PHACTR3: variants seen among roughly 807,000 people sequenced by gnomAD.
PHACTR3 encodes the protein protein phosphatase 1, regulatory subunit 123.
A neutral mutation model predicts 66.8 loss-of-function variants in PHACTR3; 16 were observed. That is an observed-to-expected ratio of 0.24 (90% CI 0.16 to 0.36). The LOEUF (loss-of-function observed/expected upper bound fraction) is 0.36, where lower values mean the gene tolerates loss of function less well. Ranked by LOEUF, PHACTR3 falls within the 10% of genes least tolerant of loss-of-function variation. The pLI is 1.00. For synonymous variants in PHACTR3, 323 were observed against 292.1 expected, an observed-to-expected ratio of 1.11 and a Z score of -1.08; for missense variants, 647 against 719.9, an observed-to-expected ratio of 0.90 and a Z score of 1.16.
intron 1 of PHACTR3, among the ~76,000 whole-genome samples, chr20:59,685,101 T>C (rs1306903662): frequency 2.0e-5 from 3 of 152,074 alleles, no homozygotes; most frequent in Non-Finnish European, 2.9e-5. Context: ...CACCTCCACC[T>C]CTTTCCCCAC....
intron 1 of PHACTR3, among the ~76,000 whole-genome samples, chr20:59,633,010 T>C (rs1301521738): frequency 6.6e-6 from 1 of 152,116 alleles, no homozygotes; most frequent in Non-Finnish European, 1.5e-5. Flanking sequence ...ACCTTGATCC[T>C]GGGGTGCACG....
At chr20:59,635,529 C>T (rs1037806352) in intron 1 of PHACTR3, among the ~76,000 whole-genome samples, 2 of 151,776 alleles carry the variant, frequency 1.3e-5, no homozygotes, top group Non-Finnish European at 2.9e-5. Flanking sequence ...CCATCGTGCC[C>T]GGCCTGCTCC....
chr20:59,757,226 G>A (rs906672686), intron 4 of PHACTR3, among the ~76,000 whole-genome samples: 5 of 152,348 alleles, frequency 3.3e-5, no homozygotes, highest in Admixed American at 6.5e-5. Context: ...TGGGGGTCAC[G>A]CTTCTCCTTG....
intron 1 of PHACTR3, among the ~76,000 whole-genome samples, chr20:59,606,309 C>G (rs888132442): frequency 2.0e-5 from 3 of 151,982 alleles, no homozygotes; most frequent in African/African-American, 4.8e-5. Context: ...TCCCTCCCCC[C>G]CCCATTTGAA....
intron 7 of PHACTR3, among the ~76,000 whole-genome samples, chr20:59,797,424 A>G (rs527242027): frequency 1.3e-4 from 20 of 151,850 alleles, no homozygotes; most frequent in Non-Finnish European, 2.8e-4. Context: ...GTGTCCATGC[A>G]TTGGTATCTG....
At chr20:59,617,626 C>A (rs575601219) in intron 1 of PHACTR3, among the ~76,000 whole-genome samples, 2 of 151,762 alleles carry the variant, frequency 1.3e-5, no homozygotes, top group Non-Finnish European at 2.9e-5. Flanking sequence ...GGAAGTTGTT[C>A]ACTTTAGCAC....
chr20:59,836,861 CG>C (rs1485661623), intron 9 of PHACTR3, among the ~76,000 whole-genome samples: 2 of 152,106 alleles, frequency 1.3e-5, no homozygotes, highest in African/African-American at 4.8e-5. Context: ...CAGTTTGGGT[CG>C]GGGTTCTTCA....
intron 8 of PHACTR3, among the ~76,000 whole-genome samples, chr20:59,810,255 C>T (rs1014610304): frequency 6.6e-6 from 1 of 152,220 alleles, no homozygotes; most frequent in African/African-American, 2.4e-5. Flanking sequence ...AAACGCCCCC[C>T]TATGTAAGAA....
At position 59,604,765 on chromosome 20, in the gene PHACTR3, C is replaced by G; in HGVS notation, c.-250C>G. ...AATGGGAATAAACACGAATAAATAACAAAGCGAGGCCGCGCACGCCGGGAT... is the reference window on the plus strand; with the variant it reads ...AATGGGAATAAACACGAATAAATAAGAAAGCGAGGCCGCGCACGCCGGGAT... On this transcript the variant is annotated 5_prime_UTR_variant, in exon 1 of 13. Transcript: ENST00000371015. 1 of 1,160,836 alleles carries G rather than the reference C, an allele frequency of 8.6e-7. No individual in the cohort carries two copies. The highest frequency in any genetic ancestry group is 1.1e-6 in the Non-Finnish European group (1 of 945,872). 71.9% of individuals were successfully genotyped at this position (1,160,836 alleles called of 1,614,324 possible). A position where few individuals can be genotyped will look rare whatever the true frequency, so the allele number is the denominator to read the frequency against.
chr20:59,593,062 A>G (rs749546169), intron 1 of PHACTR3, among the ~76,000 whole-genome samples: 3 of 152,224 alleles, frequency 2.0e-5, no homozygotes, highest in Admixed American at 1.3e-4. Flanking sequence ...TAGTTTTGTA[A>G]GAAACCACAA....
At chr20:59,590,877 C>T (rs992256371) in intron 1 of PHACTR3, among the ~76,000 whole-genome samples, 1 of 152,132 alleles carries the variant, frequency 6.6e-6, no homozygotes, top group Non-Finnish European at 1.5e-5. Context: ...TTATAAGGCA[C>T]TTATCATTGA....
At chr20:59,616,842 T>C (rs2034041737) in intron 1 of PHACTR3, among the ~76,000 whole-genome samples, 1 of 152,110 alleles carries the variant, frequency 6.6e-6, no homozygotes, top group African/African-American at 2.4e-5. Context: ...ATTTATAATT[T>C]AGCTCATTTT....
chr20:59,609,238 C>A (rs2033774466), intron 1 of PHACTR3, among the ~76,000 whole-genome samples: 1 of 152,228 alleles, frequency 6.6e-6, no homozygotes, highest in Non-Finnish European at 1.5e-5. Context: ...TGCACAGACA[C>A]ATTCCCCAGG....
chr20:59,836,855 T>G (rs2058977063), intron 9 of PHACTR3, among the ~76,000 whole-genome samples: 1 of 152,166 alleles, frequency 6.6e-6, no homozygotes, highest in Non-Finnish European at 1.5e-5. Flanking sequence ...TCCTGGCAGT[T>G]TGGGTCGGGG....
At chr20:59,741,325 C>T (rs1328120276) in intron 1 of PHACTR3, among the ~76,000 whole-genome samples, 1 of 152,240 alleles carries the variant, frequency 6.6e-6, no homozygotes, top group South Asian at 2.1e-4. Context: ...GGCGAGGGGT[C>T]CTGGCAGAGG....
At chr20:59,636,802 A>G (rs2034915700) in intron 1 of PHACTR3, among the ~76,000 whole-genome samples, 1 of 152,262 alleles carries the variant, frequency 6.6e-6, no homozygotes, top group South Asian at 2.1e-4. Flanking sequence ...TGAAAAATAC[A>G]GAGCAAAGAT....
intron 7 of PHACTR3, 144 bp downstream of exon 7, chr20:59,774,634 C>A: frequency 8.5e-7 from 1 of 1,170,850 alleles, no homozygotes; most frequent in Non-Finnish European, 1.2e-6. Context: ...GCTGTGTCCT[C>A]TGGAAATGAG....
rs2059169234 is a variant in PHACTR3 at position 59,847,341 on chromosome 20, G to A, written c.*211G>A. On this transcript the variant is annotated 3_prime_UTR_variant, in exon 13 of 13. Transcript: ENST00000371015. ...CTTCCTTCCTTCTTTGGTGTCTGAG[G>A]AGTGTGAACTGTTGGGGTCAGTTAA... 3 of 440,436 alleles carry A rather than the reference G, an allele frequency of 6.8e-6. No homozygotes were observed. Among genetic ancestry groups the A allele is most frequent in the Admixed American group, 3.3e-5 (1 of 30,358 alleles). The allele number at this position is 440,436 out of a possible 1,614,324, so 27.3% of individuals were successfully genotyped here. A position where few individuals can be genotyped will look rare whatever the true frequency, so the allele number is the denominator to read the frequency against.
At chr20:59,693,650 T>G (rs937206456) in intron 1 of PHACTR3, among the ~76,000 whole-genome samples, 3 of 152,216 alleles carry the variant, frequency 2.0e-5, no homozygotes, top group African/African-American at 7.2e-5. Context: ...AGAATTTAGC[T>G]TGTGATTTTG....
Sources: allele counts gnomAD v4.1 joint callset (sites outside exome capture counted in the v4.1 genomes callset), GRCh38; gene constraint gnomAD v4.1.1; transcripts MANE v1.5; gene names NCBI Gene and HGNC (gene_info 2026-07-23, HGNC 2026-07-21).